SCAPER: variants seen among roughly 807,000 people sequenced by gnomAD.
The protein encoded by SCAPER is S phase cyclin A-associated protein in the endoplasmic reticulum.
SCAPER carries 98 observed loss-of-function variants against 182.2 expected under a neutral mutation model. The ratio of observed to expected loss-of-function variants is 0.54; its 90% CI spans 0.46 to 0.64. SCAPER has a LOEUF of 0.64. SCAPER is among the 30% of genes least tolerant of loss of function. SCAPER has a pLI of 0.00. For missense variants in SCAPER, 1,432 were observed against 1,690.0 expected (o/e 0.85, Z 2.68); for synonymous variants, 605 against 564.6 (o/e 1.07, Z -1.01).
intron 14 of SCAPER, among the ~76,000 whole-genome samples, chr15:76,755,586 G>C (rs2062373037): frequency 6.6e-6 from 1 of 152,144 alleles, no homozygotes; most frequent in Non-Finnish European, 1.5e-5. Flanking sequence ...GTAGTATGGA[G>C]CCTCTGAGAT....
intron 18 of SCAPER, 148 bp downstream of exon 18, chr15:76,705,755 G>A: frequency 3.5e-6 from 2 of 579,466 alleles, no homozygotes; most frequent in Non-Finnish European, 5.7e-6. Flanking sequence ...CAGGTACTAA[G>A]TTAGAAATGA....
intron 25 of SCAPER, among the ~76,000 whole-genome samples, chr15:76,441,772 T>C (rs2047620737): frequency 6.6e-6 from 1 of 152,196 alleles, no homozygotes; most frequent in Non-Finnish European, 1.5e-5. Flanking sequence ...CTCAACTTTA[T>C]TTTTCTTCCA....
chr15:76,403,078 T>C (rs570489118), intron 27 of SCAPER, among the ~76,000 whole-genome samples: 1 of 152,300 alleles, frequency 6.6e-6, no homozygotes, highest in South Asian at 2.1e-4. Context: ...TGTAATGTAA[T>C]GAACACAGGG....
chr15:76,574,052 C>A, intron 23 of SCAPER, 106 bp downstream of exon 23: 11 of 1,058,938 alleles, frequency 1.0e-5, no homozygotes, highest in Admixed American at 8.1e-5. Flanking sequence ...CTTTAAAAAA[C>A]ACAGAAGAAA....
intron 26 of SCAPER, among the ~76,000 whole-genome samples, chr15:76,420,447 T>C (rs1359647539): frequency 1.3e-5 from 2 of 151,818 alleles, no homozygotes; most frequent in Non-Finnish European, 2.9e-5. Context: ...ATTCACCAAA[T>C]TAGCAGGATA....
chr15:76,349,199 A>AAAAAAACAAAAAAC (rs889337450), intron 31 of SCAPER: 1 of 152,298 alleles, frequency 6.6e-6, no homozygotes, highest in Admixed American at 6.5e-5. Context: ...CCCTGTCTCA[A>AAAAAAACAAAAAAC]AAAAAACAAA....
chr15:76,399,713 G>T (rs2044323891), intron 27 of SCAPER, among the ~76,000 whole-genome samples: 1 of 152,080 alleles, frequency 6.6e-6, no homozygotes, highest in Non-Finnish European at 1.5e-5. Context: ...GAAAACCTAG[G>T]TAAAAATTTG....
At chr15:76,506,761 A>C (rs2041618695) in intron 23 of SCAPER, among the ~76,000 whole-genome samples, 1 of 152,220 alleles carries the variant, frequency 6.6e-6, no homozygotes, top group Non-Finnish European at 1.5e-5. Flanking sequence ...ATTTGTCTTC[A>C]GCAATAAAAG....
At chr15:76,575,563 C>T (rs1392321718) in intron 22 of SCAPER, among the ~76,000 whole-genome samples, 2 of 152,192 alleles carry the variant, frequency 1.3e-5, no homozygotes, top group Non-Finnish European at 2.9e-5. Flanking sequence ...CTAATTTCAC[C>T]ACACAGGATG....
At chr15:76,447,035 G>T (rs2048049420) in intron 25 of SCAPER, among the ~76,000 whole-genome samples, 1 of 152,128 alleles carries the variant, frequency 6.6e-6, no homozygotes, top group Admixed American at 6.5e-5. Context: ...CATTTAAGGT[G>T]GACTACGCTA....
intron 22 of SCAPER, among the ~76,000 whole-genome samples, chr15:76,620,092 A>G (rs1442797307): frequency 6.6e-6 from 1 of 152,096 alleles, no homozygotes; most frequent in Non-Finnish European, 1.5e-5. Flanking sequence ...ATATATATAT[A>G]TAAGTTTTCT....
intron 21 of SCAPER, among the ~76,000 whole-genome samples, chr15:76,653,255 TG>T (rs1471122559): frequency 6.6e-6 from 1 of 152,162 alleles, no homozygotes; most frequent in Non-Finnish European, 1.5e-5. Flanking sequence ...GCTCATGGAT[TG>T]GAAGAGTCAA....
intron 25 of SCAPER, among the ~76,000 whole-genome samples, chr15:76,464,007 C>CCTTT (rs375503469): frequency 8.3e-6 from 1 of 120,376 alleles, no homozygotes; most frequent in South Asian, 2.8e-4. Flanking sequence ...TTTCACTGGT[C>CCTTT]TTTTTTTTTT....
rs74478006 is a variant in SCAPER at position 76,645,723 on chromosome 15, A to G, written c.2645+19930T>C. Among the ~76,000 whole-genome samples the G allele has an allele frequency of 3.9e-3, 600 of 152,250 alleles. 6 individuals are homozygous for G. Among genetic ancestry groups the G allele is most frequent in the African/African-American group, 0.014 (572 of 41,542 alleles). On this transcript the variant is annotated intron_variant, in intron 21 of 31. Coordinates refer to ENST00000563290, the MANE Select transcript of SCAPER (RefSeq NM_020843.4). Reference sequence around the variant, plus strand: ...ATATACATCATTTACTTCTCTTAATATATTGTAAATGAGAAGGTTAGAAAT... The same window carrying G: ...ATATACATCATTTACTTCTCTTAATGTATTGTAAATGAGAAGGTTAGAAAT...
intron 4 of SCAPER, among the ~76,000 whole-genome samples, chr15:76,850,511 A>C (rs1269165608): frequency 2.6e-5 from 4 of 152,232 alleles, no homozygotes; most frequent in Non-Finnish European, 4.4e-5. Flanking sequence ...CACATGTCTT[A>C]AAATGACCAC....
chr15:76,856,453 T>C (rs953457790), intron 4 of SCAPER, among the ~76,000 whole-genome samples: 2 of 151,288 alleles, frequency 1.3e-5, no homozygotes, highest in African/African-American at 2.4e-5. Context: ...AATATATACA[T>C]GTATATGTGT....
intron 4 of SCAPER, among the ~76,000 whole-genome samples, chr15:76,855,582 A>G (rs1310164486): frequency 1.3e-5 from 2 of 152,182 alleles, no homozygotes; most frequent in Non-Finnish European, 2.9e-5. Flanking sequence ...ACAAGATAAA[A>G]ACAAACAACC....
intron 22 of SCAPER, among the ~76,000 whole-genome samples, chr15:76,604,837 T>G (rs2050232630): frequency 6.6e-6 from 1 of 151,586 alleles, no homozygotes. Flanking sequence ...TGTCTGTTAT[T>G]GGTGTATAAA....
At chr15:76,527,407 A>C (rs1373790826) in intron 23 of SCAPER, among the ~76,000 whole-genome samples, 2 of 152,142 alleles carry the variant, frequency 1.3e-5, no homozygotes, top group African/African-American at 4.8e-5. Flanking sequence ...AGGTCATATA[A>C]ATGGCAATTC....
Sources: allele counts gnomAD v4.1 joint callset (sites outside exome capture counted in the v4.1 genomes callset), GRCh38; gene constraint gnomAD v4.1.1; transcripts MANE v1.5; gene names NCBI Gene and HGNC (gene_info 2026-07-23, HGNC 2026-07-21).